Variants in SEC61A2 observed in about 807,000 individuals in gnomAD.
SEC61A2 encodes protein transport protein Sec61 subunit alpha isoform 2.
SEC61A2 carries 28 observed loss-of-function variants against 59.9 expected under a neutral mutation model. That is an observed-to-expected ratio of 0.47 (90% confidence interval 0.35 to 0.64). The LOEUF (loss-of-function observed/expected upper bound fraction) is 0.64, where lower values mean the gene tolerates loss of function less well. SEC61A2 is among the 30% of genes least tolerant of loss of function. The pLI is 0.01. For missense variants in SEC61A2, 340 were observed against 585.9 expected (o/e 0.58, Z 4.33); for synonymous variants, 202 against 214.4 (o/e 0.94, Z 0.50).
intron 3 of SEC61A2, among the ~76,000 whole-genome samples, chr10:12,139,216 C>CG (rs1833953533): frequency 6.6e-6 from 1 of 151,736 alleles, no homozygotes; most frequent in Admixed American, 6.6e-5. Flanking sequence ...CCTGCCTCAG[C>CG]CTCCCAAAGT....
At position 12,153,389 on chromosome 10, in the gene SEC61A2, G is replaced by C. The variant is rs1171184921; in HGVS notation, c.463-2389G>C. The stretch of plus-strand genomic sequence containing the variant: ...TAGCTCGTAGAACATTATACATCAA[G>C]AAAAGCTCTCTAGTATCTTACTTAA... On this transcript the variant is annotated intron_variant, in intron 6 of 11. Coordinates refer to ENST00000298428, the MANE Select transcript of SEC61A2 (RefSeq NM_018144.4). This position sits in a 1 kb window ranked among gnomAD's most constrained non-coding sequence, Gnocchi z 5.2. 4.6e-5 allele frequency among the ~76,000 whole-genome samples: 7 copies of C among 152,126 alleles called. No individual in the cohort carries two copies. The highest frequency in any genetic ancestry group is 8.8e-5 in the Non-Finnish European group (6 of 68,026).
At position 12,133,308 on chromosome 10, in the gene SEC61A2, A is replaced by T; in HGVS notation, c.75A>T (p.Lys25Asn). Residue 25 changes from lysine (K) to asparagine (N), a missense_variant and splice_region_variant, in exon 2 of 12, where the codon AAA becomes AAT. This residue lies in a region of SEC61A2 where 41 missense variants were observed against 47.6 expected (regional missense o/e 0.86). Coordinates refer to ENST00000298428, the MANE Select transcript of SEC61A2 (RefSeq NM_018144.4). ...CAGAAATTCAGAAACCGGAAAGGAA[A>T]GTAAGTATAATATTTTAGTAATATA... Reference protein sequence around the residue: ...VLPEIQKPERKIQFREKVLWT... With the variant: ...VLPEIQKPERNIQFREKVLWT... 2.6e-6 allele frequency: 4 copies of T among 1,509,912 alleles called. No homozygotes were observed. The highest frequency in any genetic ancestry group is 3.7e-6 in the Non-Finnish European group (4 of 1,088,586). 93.5% of individuals were successfully genotyped at this position (1,509,912 alleles called of 1,614,324 possible). A position where few individuals can be genotyped will look rare whatever the true frequency, so the allele number is the denominator to read the frequency against.
Position 12,165,196 on chromosome 10 carries a change from T to C in SEC61A2, c.*742T>C, listed in dbSNP as rs1284156125. 4 of 985,326 alleles carry C rather than the reference T, an allele frequency of 4.1e-6. No homozygotes were observed. Among genetic ancestry groups the C allele is most frequent in the Non-Finnish European group, 4.8e-6 (4 of 829,930 alleles). The allele number at this position is 985,326 out of a possible 1,614,324, so 61.0% of individuals were successfully genotyped here. On this transcript the variant is annotated 3_prime_UTR_variant, in exon 12 of 12. Coordinates refer to ENST00000298428, the MANE Select transcript of SEC61A2 (RefSeq NM_018144.4). Reference sequence around the variant, plus strand: ...ATTCTTTCAAGATTCTGGGCCCCGATTCTTTTCTGTTTAAATCCCTAAAGC... The same window carrying C: ...ATTCTTTCAAGATTCTGGGCCCCGACTCTTTTCTGTTTAAATCCCTAAAGC...
At chr10:12,136,428 C>T (rs928982820) in intron 3 of SEC61A2, among the ~76,000 whole-genome samples, 1 of 152,072 alleles carries the variant, frequency 6.6e-6, no homozygotes, top group Non-Finnish European at 1.5e-5. Context: ...CTTCCTTGGC[C>T]TCCCAAGTAG....
Position 12,160,309 on chromosome 10 carries a change from T to C in SEC61A2, c.976-621T>C, listed in dbSNP as rs1283407151. On this transcript the variant is annotated intron_variant, in intron 9 of 11. Coordinates refer to ENST00000298428, the MANE Select transcript of SEC61A2 (RefSeq NM_018144.4). This position sits in a 1 kb window ranked among gnomAD's most constrained non-coding sequence, Gnocchi z 4.1. ...AGTCATAAATTCAAGAACCAGATAC[T>C]GTAATCATCGCAACTAAAAATTGGT... Among the ~76,000 whole-genome samples the C allele has an allele frequency of 6.6e-6, 1 of 152,232 alleles. No individual in the cohort carries two copies. The highest frequency in any genetic ancestry group is 1.9e-4 in the East Asian group (1 of 5,208).
intron 3 of SEC61A2, among the ~76,000 whole-genome samples, chr10:12,139,254 G>A (rs140986583): frequency 0.025 from 3,725 of 151,334 alleles, 81 homozygotes; most frequent in Non-Finnish European, 0.033. Context: ...GAGCCACCAC[G>A]CCCGGCCCTC....
downstream of SEC61A2, among the ~76,000 whole-genome samples, chr10:12,168,187 G>C (rs934295897): frequency 6.6e-6 from 1 of 152,100 alleles, no homozygotes; most frequent in Admixed American, 6.6e-5. This position sits in a 1 kb window ranked among gnomAD's most constrained non-coding sequence, Gnocchi z 4.8. Context: ...ACCACGCCCA[G>C]CTAATTTTTG....
intron 11 of SEC61A2, among the ~76,000 whole-genome samples, chr10:12,163,950 G>A (rs968124776): frequency 1.3e-5 from 2 of 152,136 alleles, no homozygotes; most frequent in East Asian, 1.9e-4. Flanking sequence ...AAGAGGGAAC[G>A]AAAGGTTACT....
chr10:12,166,652 A>C (rs1164953180), downstream of SEC61A2: 5 of 471,016 alleles, frequency 1.1e-5, no homozygotes, highest in African/African-American at 4.0e-5. Context: ...GCCAGGCTAG[A>C]AACATGACTT....
Position 12,158,321 on chromosome 10 carries a change from A to G in SEC61A2, c.975+216A>G. The G allele has an allele frequency of 1.9e-6, 1 of 513,732 alleles. No homozygotes were observed. The allele number at this position is 513,732 out of a possible 1,614,324, so 31.8% of individuals were successfully genotyped here. ...TTTATTATTTTGCTCTCTAGGAAGCACTTTCACATCTCATTTGAATGACCT... is the reference window on the plus strand; with the variant it reads ...TTTATTATTTTGCTCTCTAGGAAGCGCTTTCACATCTCATTTGAATGACCT... On this transcript the variant is annotated intron_variant, in intron 9 of 11. Transcript: ENST00000298428. This position sits in a 1 kb window ranked among gnomAD's most constrained non-coding sequence, Gnocchi z 5.7.
chr10:12,157,888 C>G lies in SEC61A2; in HGVS notation c.778-20C>G. ...TTAATGTGTCTGGCTCCCCCACTTA[C>G]TCTCCGTTTCCTTTTTTAGGGATTT... On this transcript the variant is annotated intron_variant, in intron 8 of 11. Coordinates refer to ENST00000298428, the MANE Select transcript of SEC61A2 (RefSeq NM_018144.4). 1 of 1,612,298 alleles carries G rather than the reference C, an allele frequency of 6.2e-7. No homozygotes were observed. The highest frequency in any genetic ancestry group is 8.5e-7 in the Non-Finnish European group (1 of 1,178,398).
At chr10:12,135,169 G>C (rs774873207) in intron 2 of SEC61A2, among the ~76,000 whole-genome samples, 30 of 151,828 alleles carry the variant, frequency 2.0e-4, no homozygotes, top group Middle Eastern at 3.4e-3. Flanking sequence ...GGAAAGGGGA[G>C]GGAGAGCATT....
At chr10:12,144,041 G>C (rs1198996018) in intron 4 of SEC61A2, among the ~76,000 whole-genome samples, 2 of 152,090 alleles carry the variant, frequency 1.3e-5, no homozygotes, top group Admixed American at 1.3e-4. Flanking sequence ...ATGTTGCCTA[G>C]GCTGGTCTTG....
In SEC61A2 at chr10:12,129,844, G is replaced by A. The variant is rs1833686606; in HGVS notation, c.7+50G>A. Reference sequence around the variant, plus strand: ...GACTCTGGCTGGGAACGCAGGCCCCGCCTGGGCTGCGGGCGGTGGGGCTGG... The same window carrying A: ...GACTCTGGCTGGGAACGCAGGCCCCACCTGGGCTGCGGGCGGTGGGGCTGG... On this transcript the variant is annotated intron_variant, in intron 1 of 11. Transcript: ENST00000298428. The surrounding 1 kb of genome is among the most constrained non-coding windows in gnomAD (Gnocchi z 5.6). 3.0e-6 allele frequency: 4 copies of A among 1,334,798 alleles called. No homozygotes were observed. The highest frequency in any genetic ancestry group is 3.8e-6 in the Non-Finnish European group (4 of 1,039,484). The allele number at this position is 1,334,798 out of a possible 1,614,324, so 82.7% of individuals were successfully genotyped here.
At position 12,142,058 on chromosome 10, in the gene SEC61A2, C is replaced by T. The variant is rs1834034935; in HGVS notation, c.142-1059C>T. On this transcript the variant is annotated intron_variant, in intron 3 of 11. Transcript: ENST00000298428. The surrounding 1 kb of genome is among the most constrained non-coding windows in gnomAD (Gnocchi z 5.4). ...AGGGAAGGGGTGTATGTGCTTTGTG[C>T]AGGACAGTTGAAGGCAGCTTTCCAG... is the stretch of plus-strand genomic sequence containing the variant. Among the ~76,000 whole-genome samples, 1 of 152,180 alleles carries T rather than the reference C, an allele frequency of 6.6e-6. No individual in the cohort carries two copies. The highest frequency in any genetic ancestry group is 2.1e-4 in the South Asian group (1 of 4,828).
intron 3 of SEC61A2, among the ~76,000 whole-genome samples, chr10:12,139,357 A>G (rs1423936097): frequency 6.6e-6 from 1 of 151,598 alleles, no homozygotes; most frequent in Non-Finnish European, 1.5e-5. Context: ...TTATTTTAAT[A>G]GTAGTCATCT....
Position 12,165,236 on chromosome 10 carries a change from C to T in SEC61A2, c.*782C>T. The T allele has an allele frequency of 1.0e-6, 1 of 985,442 alleles. No homozygotes were observed. The highest frequency in any genetic ancestry group is 1.7e-5 in the African/African-American group (1 of 57,358). The allele number at this position is 985,442 out of a possible 1,614,324, so 61.0% of individuals were successfully genotyped here. ...ATCCCTAAAGCAAAGATCTAATTCT[C>T]AAGCAATGTCTGTAGTTCAGTGGGG... On this transcript the variant is annotated 3_prime_UTR_variant, in exon 12 of 12. Transcript: ENST00000298428.
chr10:12,155,711 T>C lies in SEC61A2; in HGVS notation c.463-67T>C. 6.3e-7 allele frequency: 1 copy of C among 1,579,136 alleles called. No homozygotes were observed. The highest frequency in any genetic ancestry group is 1.7e-5 in the Admixed American group (1 of 59,572). The stretch of plus-strand genomic sequence containing the variant: ...ACGCCCCTAGCTTGGAAATAGCCAA[T>C]GGTGTTCCTCTCCCCCTTTCTTGAG... On this transcript the variant is annotated intron_variant, in intron 6 of 11. Coordinates refer to ENST00000298428, the MANE Select transcript of SEC61A2 (RefSeq NM_018144.4). This position sits in a 1 kb window ranked among gnomAD's most constrained non-coding sequence, Gnocchi z 4.3.
rs1834512975 is a variant in SEC61A2, at chr10:12,160,985, A to G, written c.1031A>G (p.Tyr344Cys). The change falls in exon 10 of 12, where the codon TAT becomes TGT. Residue 344 changes from tyrosine to cysteine, a missense_variant. By Grantham distance (194) the Tyr-to-Cys change is radical. This residue lies in a region of SEC61A2 where 283 missense variants were observed against 483.2 expected (regional missense o/e 0.59). Coordinates refer to ENST00000298428, the MANE Select transcript of SEC61A2 (RefSeq NM_018144.4). The surrounding 1 kb of genome is among the most constrained non-coding windows in gnomAD (Gnocchi z 4.1). ...RSYPVGGLCY[Y>C]LSPPESMGAI... ...TACCCAGTTGGAGGCCTTTGTTACT[A>G]TCTTTCTCCTCCTGAGTCCATGGGC... The G allele has an allele frequency of 6.2e-7, 1 of 1,614,036 alleles. No homozygotes were observed. Among genetic ancestry groups the G allele is most frequent in the Non-Finnish European group, 8.5e-7 (1 of 1,179,978 alleles).
Sources: gnomAD v4.1 joint callset for allele counts (sites outside exome capture counted in the v4.1 genomes callset) on GRCh38, gnomAD v4.1.1 for gene constraint, gnomAD v4.1.1 regional missense constraint, Gnocchi (gnomAD v3.1) non-coding constraint, MANE v1.5 for transcripts, NCBI Gene and HGNC (gene_info 2026-07-23, HGNC 2026-07-21) for gene names.